Variants in ABAT observed in about 807,000 individuals in gnomAD.
ABAT encodes the protein 4-aminobutyrate aminotransferase, also known as 4-aminobutyrate aminotransferase, mitochondrial.
Under a neutral mutation model 64.6 loss-of-function variants are expected in ABAT, and 45 were observed. The observed-to-expected ratio is 0.70, with a 90% CI of 0.55 to 0.89. ABAT has a LOEUF of 0.89. Among genes scored for constraint, ABAT ranks in the 40% least tolerant of loss-of-function variants. ABAT has a pLI of 0.00. For missense variants in ABAT, 633 were observed against 658.4 expected (o/e 0.96, Z 0.42); for synonymous variants, 297 against 250.5 (o/e 1.19, Z -1.75).
chr16:8,781,609 G>A lies in ABAT; in HGVS notation c.*179G>A. 1.3e-6 allele frequency: 1 copy of A among 759,392 alleles called. No individual in the cohort carries two copies. Among genetic ancestry groups the A allele is most frequent in the Non-Finnish European group, 2.2e-6 (1 of 461,542 alleles). The allele number at this position is 759,392 out of a possible 1,614,324, so 47.0% of individuals were successfully genotyped here. On this transcript the variant is annotated 3_prime_UTR_variant, in exon 16 of 16. Coordinates refer to ENST00000268251, the MANE Select transcript of ABAT (RefSeq NM_020686.6). The surrounding 1 kb of genome is among the most constrained non-coding windows in gnomAD (Gnocchi z 4.5). ...GAGGGGAGGGGAGGGAAGGGCTGGT[G>A]TTGATTTTCCTCCCTGCAGAGCCAA... is the stretch of plus-strand genomic sequence containing the variant.
intron 11 of ABAT, among the ~76,000 whole-genome samples, chr16:8,772,184 G>A (rs8055880): frequency 0.15 from 21,902 of 148,798 alleles, 2,563 homozygotes; most frequent in African/African-American, 0.33. Context: ...TAATATAGTC[G>A]TGCTAATCGT....
intron 5 of ABAT, among the ~76,000 whole-genome samples, chr16:8,751,620 G>A (rs969718171): frequency 2.0e-5 from 3 of 152,190 alleles, no homozygotes; most frequent in Non-Finnish European, 2.9e-5. Context: ...GCCAGTCATC[G>A]CCCATCAGCT....
intron 1 of ABAT, among the ~76,000 whole-genome samples, chr16:8,681,387 A>G (rs936202113): frequency 6.6e-6 from 1 of 151,150 alleles, no homozygotes; most frequent in Admixed American, 6.6e-5. Flanking sequence ...CTATCTTGTG[A>G]TCCTGGGAAT....
At chr16:8,741,462 G>C (rs1013603383) in intron 2 of ABAT, among the ~76,000 whole-genome samples, 1 of 152,160 alleles carries the variant, frequency 6.6e-6, no homozygotes, top group African/African-American at 2.4e-5. Flanking sequence ...CTGAGCCTCA[G>C]CGTCTTCTTC....
At chr16:8,679,526 CAAA>C (rs35069718) in intron 1 of ABAT, among the ~76,000 whole-genome samples, 1 of 133,682 alleles carries the variant, frequency 7.5e-6, no homozygotes, top group African/African-American at 2.9e-5. Flanking sequence ...ACATGAAAGC[CAAA>C]AAAAAAAAAA....
rs577640134 is a variant in ABAT at position 8,730,848 on chromosome 16, C to T, written c.-41-4851C>T. On this transcript the variant is annotated intron_variant, in intron 1 of 15. Transcript: ENST00000268251. ...TATCTCTCAACCCCAACGCTGGCTC[C>T]ACCAGCAACTTGCTGTGTCCTGGGT... Among the ~76,000 whole-genome samples, 7 of 152,334 alleles carry T rather than the reference C, an allele frequency of 4.6e-5. No homozygotes were observed. In the South Asian group the frequency reaches 1.4e-3, roughly 32 times the overall value.
chr16:8,756,048 C>CA (rs59561493), intron 5 of ABAT, among the ~76,000 whole-genome samples: 31,103 of 145,176 alleles, frequency 0.21, 3,331 homozygotes, highest in South Asian at 0.31. Flanking sequence ...GACTCTCTCT[C>CA]AAAAAAAAAA....
rs1284335578 is a variant in ABAT, at chr16:8,679,305, CAA to C, written c.-42+4595_-42+4596del. On this transcript the variant is annotated intron_variant, in intron 1 of 15. Transcript: ENST00000268251. Reference sequence around the variant, plus strand: ...TTGAGTTTGCTGATAGTTACGGGGCCAAGAGACAGGAATCTGAGGCTCATCTC... The same window carrying C: ...TTGAGTTTGCTGATAGTTACGGGGCCGAGACAGGAATCTGAGGCTCATCTC... 3.3e-5 allele frequency among the ~76,000 whole-genome samples: 5 copies of C among 152,232 alleles called. No individual in the cohort carries two copies. The East Asian group carries it at 9.7e-4, about 29-fold the overall frequency.
intron 1 of ABAT, chr16:8,731,494 A>G (rs1009475319): frequency 3.9e-5 from 6 of 152,216 alleles, no homozygotes; most frequent in Non-Finnish European, 8.8e-5. Context: ...GACTGCTCCA[A>G]CAATGTGAAA....
intron 5 of ABAT, among the ~76,000 whole-genome samples, chr16:8,751,915 G>C (rs2059498490): frequency 6.6e-6 from 1 of 152,230 alleles, no homozygotes; most frequent in East Asian, 1.9e-4. Flanking sequence ...TTTGCAGCTT[G>C]GATGGTTAAT....
chr16:8,778,911 G>C (rs544821632), intron 14 of ABAT, among the ~76,000 whole-genome samples: 4 of 152,280 alleles, frequency 2.6e-5, no homozygotes, highest in African/African-American at 9.6e-5. Flanking sequence ...ATAGGTTCCA[G>C]GTAAACATGA....
rs1743244032 is a variant in ABAT, at chr16:8,783,459, C to T, written c.*2029C>T. On this transcript the variant is annotated 3_prime_UTR_variant, in exon 16 of 16. Coordinates refer to ENST00000268251, the MANE Select transcript of ABAT (RefSeq NM_020686.6). The stretch of plus-strand genomic sequence containing the variant: ...TTTCAAAGAAAAGGTGTCATTGGAG[C>T]AGTGTTTTGCAGAATGAGCCAGAGT... The T allele has an allele frequency of 1.3e-5, 2 of 152,126 alleles. No individual in the cohort carries two copies. Among genetic ancestry groups the T allele is most frequent in the African/African-American group, 4.8e-5 (2 of 41,400 alleles). The allele number at this position is 152,126 out of a possible 1,614,324, so 9.4% of individuals were successfully genotyped here.
intron 9 of ABAT, among the ~76,000 whole-genome samples, chr16:8,767,661 A>G (rs974910763): frequency 6.6e-6 from 1 of 152,026 alleles, no homozygotes; most frequent in Non-Finnish European, 1.5e-5. Flanking sequence ...TCTATGTGAA[A>G]TTTCTTAGTT....
intron 1 of ABAT, among the ~76,000 whole-genome samples, chr16:8,680,783 C>T (rs1411226158): frequency 6.6e-6 from 1 of 152,104 alleles, no homozygotes; most frequent in Non-Finnish European, 1.5e-5. Flanking sequence ...AGCAATACCA[C>T]ATTGTGGTTT....
rs757076760 is a variant in ABAT at position 8,772,891 on chromosome 16, C to T, written c.928C>T (p.Arg310Trp). 75 of 1,613,886 alleles carry T rather than the reference C, an allele frequency of 4.6e-5. No individual in the cohort carries two copies. The highest frequency in any genetic ancestry group is 6.7e-5 in the African/African-American group (5 of 74,880). Residue 310 changes from arginine to tryptophan, a missense_variant, in exon 12 of 16, where the codon CGG (arginine) becomes TGG (tryptophan). Transcript: ENST00000268251. ...GDNHASDDFF[R>W]KLRDIARKHG... ...CAACCACGCATCCGATGACTTCTTT[C>T]GGAAGCTGAGAGACATCGCCAGGAA...
At chr16:8,716,144 T>C (rs2058210366) in intron 1 of ABAT, among the ~76,000 whole-genome samples, 1 of 152,136 alleles carries the variant, frequency 6.6e-6, no homozygotes, top group African/African-American at 2.4e-5. Context: ...ACACCCATTT[T>C]CCAGTGGAGA....
chr16:8,770,765 A>G (rs1303212791), intron 11 of ABAT, among the ~76,000 whole-genome samples: 1 of 152,230 alleles, frequency 6.6e-6, no homozygotes, highest in African/African-American at 2.4e-5. Flanking sequence ...TTAAAATTAC[A>G]AAGAAATAGG....
intron 1 of ABAT, among the ~76,000 whole-genome samples, chr16:8,732,528 G>T (rs1311607457): frequency 4.0e-5 from 6 of 151,594 alleles, no homozygotes; most frequent in African/African-American, 1.5e-4. Context: ...CAGAGAGCAC[G>T]GGGTTGGGGG....
chr16:8,679,366 A>T (rs2057278244), intron 1 of ABAT, among the ~76,000 whole-genome samples: 1 of 152,052 alleles, frequency 6.6e-6, no homozygotes, highest in Admixed American at 6.5e-5. Flanking sequence ...CTGTGGGGAA[A>T]TTCCTTCTCT....
Sources: gnomAD v4.1 joint callset for allele counts (sites outside exome capture counted in the v4.1 genomes callset) on GRCh38, gnomAD v4.1.1 for gene constraint, Gnocchi (gnomAD v3.1) non-coding constraint, MANE v1.5 for transcripts, NCBI Gene and HGNC (gene_info 2026-07-23, HGNC 2026-07-21) for gene names.